SCHIP1: variants seen among roughly 807,000 people sequenced by gnomAD.
The protein encoded by SCHIP1 is schwannomin-interacting protein 1.
In SCHIP1, 8 loss-of-function variants were observed where a neutral mutation model predicts 29.7. The ratio of observed to expected loss-of-function variants is 0.27; its 90% CI spans 0.16 to 0.49. The LOEUF (loss-of-function observed/expected upper bound fraction) is 0.49, where lower values mean the gene tolerates loss of function less well. Ranked by LOEUF, SCHIP1 falls within the 20% of genes least tolerant of loss-of-function variation. The pLI, the probability that SCHIP1 is intolerant of heterozygous loss-of-function variation, is 0.99. For missense variants in SCHIP1, 193 were observed against 294.6 expected (o/e 0.66, Z 2.52); for synonymous variants, 76 against 94.9 (o/e 0.80, Z 1.16).
the SCHIP1 span, among the ~76,000 whole-genome samples, chr3:159,681,507 C>G: frequency 6.6e-6 from 1 of 152,242 alleles, no homozygotes; most frequent in East Asian, 1.9e-4. Flanking sequence ...CATTTCATTG[C>G]AATCATAGCA....
chr3:159,629,784 A>G, the SCHIP1 span, among the ~76,000 whole-genome samples: 1 of 152,218 alleles, frequency 6.6e-6, no homozygotes, highest in African/African-American at 2.4e-5. Flanking sequence ...CCTTCACTCA[A>G]CACACATTTA....
At chr3:159,382,277 T>G in the SCHIP1 span, among the ~76,000 whole-genome samples, 7 of 137,040 alleles carry the variant, frequency 5.1e-5, no homozygotes, top group South Asian at 1.0e-3. Flanking sequence ...CCCACAACAG[T>G]CCCCAGAGTG....
the SCHIP1 span, among the ~76,000 whole-genome samples, chr3:159,467,097 C>G: frequency 1.3e-5 from 2 of 152,078 alleles, no homozygotes; most frequent in African/African-American, 2.4e-5. Flanking sequence ...ACCTCTATCT[C>G]TGTGTGTGTC....
chr3:159,790,574 G>T, the SCHIP1 span, among the ~76,000 whole-genome samples: 1 of 152,218 alleles, frequency 6.6e-6, no homozygotes, highest in East Asian at 1.9e-4. Flanking sequence ...TAGTCCCAGC[G>T]ACTTGGGAGG....
the SCHIP1 span, among the ~76,000 whole-genome samples, chr3:159,333,433 G>A: frequency 0.24 from 36,454 of 152,012 alleles, 4,711 homozygotes; most frequent in African/African-American, 0.33. Flanking sequence ...AAATACAATT[G>A]CTGAATGAGA....
At chr3:159,317,325 G>T in the SCHIP1 span, among the ~76,000 whole-genome samples, 2 of 152,178 alleles carry the variant, frequency 1.3e-5, no homozygotes, top group South Asian at 4.1e-4. Context: ...TAATGGAATT[G>T]TTGTTGTGTC....
the SCHIP1 span, among the ~76,000 whole-genome samples, chr3:159,461,094 G>T: frequency 6.6e-6 from 1 of 152,084 alleles, no homozygotes; most frequent in African/African-American, 2.4e-5. Context: ...ACTGATCTCT[G>T]GGGTCAAGGG....
chr3:159,444,105 C>T, the SCHIP1 span, among the ~76,000 whole-genome samples: 3,050 of 151,932 alleles, frequency 0.02, 113 homozygotes, highest in African/African-American at 0.07. Context: ...GGTGGTGAAG[C>T]GAGATGGGAA....
the SCHIP1 span, among the ~76,000 whole-genome samples, chr3:159,744,405 CTCTT>C: frequency 2.0e-5 from 3 of 152,194 alleles, no homozygotes; most frequent in African/African-American, 4.8e-5. Context: ...CAGAATCAAT[CTCTT>C]TCTTTCTCTC....
chr3:159,727,039 A>G, the SCHIP1 span, among the ~76,000 whole-genome samples: 12 of 152,364 alleles, frequency 7.9e-5, no homozygotes, highest in Admixed American at 6.5e-4. Flanking sequence ...TTTAGAGATC[A>G]AAAAACAAAT....
the SCHIP1 span, among the ~76,000 whole-genome samples, chr3:159,782,524 C>CT: frequency 2.0e-5 from 3 of 152,084 alleles, no homozygotes; most frequent in East Asian, 1.9e-4. Flanking sequence ...TAAATGGAAA[C>CT]TTTTTTTTAA....
At chr3:159,828,742 C>A in the SCHIP1 span, among the ~76,000 whole-genome samples, 1 of 152,016 alleles carries the variant, frequency 6.6e-6, no homozygotes. Flanking sequence ...TTTTTATTGT[C>A]AGAGATTCCA....
At chr3:159,477,932 T>TTC in the SCHIP1 span, among the ~76,000 whole-genome samples, 7 of 148,068 alleles carry the variant, frequency 4.7e-5, no homozygotes, top group African/African-American at 1.7e-4. Flanking sequence ...TTTTTTTTTT[T>TTC]TTTTTTTTTT....
chr3:159,401,872 T>G, the SCHIP1 span, among the ~76,000 whole-genome samples: 5,142 of 152,208 alleles, frequency 0.034, 115 homozygotes, highest in East Asian at 0.11. Flanking sequence ...TCTACATATG[T>G]CTAGCCAGTT....
At chr3:159,430,001 C>A in the SCHIP1 span, among the ~76,000 whole-genome samples, 1 of 152,088 alleles carries the variant, frequency 6.6e-6, no homozygotes, top group Non-Finnish European at 1.5e-5. Flanking sequence ...TGGGACTGAG[C>A]AAAGGTGACT....
chr3:159,582,726 C>A, the SCHIP1 span, among the ~76,000 whole-genome samples: 2 of 149,596 alleles, frequency 1.3e-5, no homozygotes, highest in African/African-American at 2.5e-5. Flanking sequence ...TGGTCTGGAA[C>A]CAAACTCAAT....
chr3:159,834,357 G>A, the SCHIP1 span, among the ~76,000 whole-genome samples: 1,049 of 152,136 alleles, frequency 6.9e-3, 7 homozygotes, highest in African/African-American at 0.024. Context: ...CTCTTCTCTT[G>A]AATTTCTAGT....
At chr3:159,574,211 C>T in the SCHIP1 span, among the ~76,000 whole-genome samples, 1 of 152,220 alleles carries the variant, frequency 6.6e-6, no homozygotes, top group Non-Finnish European at 1.5e-5. Flanking sequence ...TTAGAATTTT[C>T]AGCTTTTCTG....
intron 1 of SCHIP1, among the ~76,000 whole-genome samples, chr3:159,844,318 G>T (rs571600479): frequency 6.6e-6 from 1 of 152,248 alleles, no homozygotes; most frequent in Non-Finnish European, 1.5e-5. Context: ...GTTTGAGCAA[G>T]GGCTTGTATG....
Sources: allele counts gnomAD v4.1 joint callset (sites outside exome capture counted in the v4.1 genomes callset), GRCh38; gene constraint gnomAD v4.1.1; transcripts MANE v1.5; gene names NCBI Gene and HGNC (gene_info 2026-07-23, HGNC 2026-07-21).